The following GPC6 variants were observed in gnomAD, a reference collection of about 807,000 sequenced individuals.
The protein encoded by GPC6 is glypican 6.
A neutral mutation model predicts 55.2 loss-of-function variants in GPC6; 14 were observed. That is an observed-to-expected ratio of 0.25 (90% CI 0.17 to 0.40). The LOEUF (loss-of-function observed/expected upper bound fraction) is 0.40, where lower values mean the gene tolerates loss of function less well. Ranked by LOEUF, GPC6 falls within the 10% of genes least tolerant of loss-of-function variation. The probability of loss-of-function intolerance (pLI) is 1.00; values close to 1 mark genes in which losing one functional copy is unlikely to be tolerated. For synonymous variants in GPC6, 278 were observed against 259.6 expected, an observed-to-expected ratio of 1.07 and a Z score of -0.68; for missense variants, 641 against 708.5, an observed-to-expected ratio of 0.90 and a Z score of 1.08.
In GPC6 at chr13:94,331,478, T is replaced by C. The variant is rs139889670; in HGVS notation, c.1152+25355T>C. On this transcript the variant is annotated intron_variant, in intron 6 of 8. Transcript: ENST00000377047. ...TCCATAGCCCAGTGTACACCCCTAA[T>C]CCCAAGCAGATTTTAAGCAGCTGTG... Among the ~76,000 whole-genome samples, 400 of 152,066 alleles carry C rather than the reference T, an allele frequency of 2.6e-3. 3 individuals are homozygous for C. Among genetic ancestry groups the C allele is most frequent in the African/African-American group, 9.2e-3 (383 of 41,488 alleles).
At chr13:94,224,256 AATAT>A (rs59631105) in intron 4 of GPC6, among the ~76,000 whole-genome samples, 35,402 of 143,684 alleles carry the variant, frequency 0.25, 4,472 homozygotes, top group East Asian at 0.4. Context: ...ATCATCTTTA[AATAT>A]ATATATATAT....
intron 1 of GPC6, among the ~76,000 whole-genome samples, chr13:93,445,527 AG>A (rs1276585295): frequency 3.1e-4 from 47 of 152,352 alleles, no homozygotes; most frequent in African/African-American, 1.0e-3. Context: ...CTATTTTAAG[AG>A]AAATGGAGTC....
chr13:93,675,201 A>G (rs1338363952), intron 2 of GPC6, among the ~76,000 whole-genome samples: 1 of 152,132 alleles, frequency 6.6e-6, no homozygotes, highest in Non-Finnish European at 1.5e-5. Flanking sequence ...TCTAATGTTT[A>G]TGCAACTCCA....
intron 1 of GPC6, among the ~76,000 whole-genome samples, chr13:93,232,732 T>C (rs1337153398): frequency 6.6e-6 from 1 of 152,182 alleles, no homozygotes; most frequent in African/African-American, 2.4e-5. Flanking sequence ...AGTGTTCTTT[T>C]AAAATTATGG....
intron 2 of GPC6, among the ~76,000 whole-genome samples, chr13:93,703,132 A>T (rs1157305509): frequency 6.6e-6 from 1 of 151,922 alleles, no homozygotes; most frequent in Admixed American, 6.6e-5. Flanking sequence ...CTACTTGAAT[A>T]CTTAGAGGCC....
At chr13:93,638,426 G>T (rs1353806144) in intron 2 of GPC6, among the ~76,000 whole-genome samples, 1 of 151,922 alleles carries the variant, frequency 6.6e-6, no homozygotes, top group Non-Finnish European at 1.5e-5. Context: ...TTATCAATAT[G>T]AGTTTGTTAG....
intron 3 of GPC6, among the ~76,000 whole-genome samples, chr13:93,939,881 T>A (rs187838919): frequency 1.4e-3 from 212 of 152,272 alleles, no homozygotes; most frequent in Admixed American, 2.3e-3. Context: ...AAAAGCTTTT[T>A]TTCAGACAGG....
intron 3 of GPC6, among the ~76,000 whole-genome samples, chr13:93,905,646 A>G (rs1876624978): frequency 6.6e-6 from 1 of 152,220 alleles, no homozygotes. Flanking sequence ...ATGTTTTGGA[A>G]TTTTGTTTTA....
intron 2 of GPC6, among the ~76,000 whole-genome samples, chr13:93,706,351 T>C (rs555837125): frequency 2.0e-5 from 3 of 151,910 alleles, no homozygotes; most frequent in Non-Finnish European, 4.4e-5. Flanking sequence ...TACCCAATCA[T>C]ATCAGATTAA....
chr13:93,915,821 G>T (rs540018269), intron 3 of GPC6, among the ~76,000 whole-genome samples: 38 of 152,276 alleles, frequency 2.5e-4, no homozygotes, highest in Admixed American at 9.2e-4. Flanking sequence ...CCCCAGTTAA[G>T]CCATGCCTCT....
At chr13:93,451,435 G>C (rs1028983147) in intron 1 of GPC6, among the ~76,000 whole-genome samples, 1 of 152,168 alleles carries the variant, frequency 6.6e-6, no homozygotes, top group African/African-American at 2.4e-5. Context: ...GTTAATAATG[G>C]CTTTTACGTT....
At chr13:94,380,660 A>G (rs1217335581) in intron 6 of GPC6, among the ~76,000 whole-genome samples, 1 of 152,224 alleles carries the variant, frequency 6.6e-6, no homozygotes, top group Non-Finnish European at 1.5e-5. Context: ...GTGTCTCCCA[A>G]GAGTACAGTA....
At chr13:93,464,914 C>T (rs150267746) in intron 1 of GPC6, among the ~76,000 whole-genome samples, 11 of 152,276 alleles carry the variant, frequency 7.2e-5, no homozygotes, top group African/African-American at 2.6e-4. Flanking sequence ...CTATGGGCTG[C>T]AGAATGGATA....
intron 3 of GPC6, among the ~76,000 whole-genome samples, chr13:93,932,523 G>A (rs1352582167): frequency 6.6e-6 from 1 of 152,040 alleles, no homozygotes; most frequent in African/African-American, 2.4e-5. Context: ...GTTTCCAGAT[G>A]TCCTTCCAAA....
At chr13:94,322,241 G>A (rs941427200) in intron 6 of GPC6, among the ~76,000 whole-genome samples, 1 of 152,192 alleles carries the variant, frequency 6.6e-6, no homozygotes, top group African/African-American at 2.4e-5. Flanking sequence ...CTGCCACCAT[G>A]TAAGACATGT....
At chr13:94,392,905 A>T (rs1880719773) in intron 7 of GPC6, among the ~76,000 whole-genome samples, 1 of 151,316 alleles carries the variant, frequency 6.6e-6, no homozygotes, top group East Asian at 1.9e-4. Context: ...GAGCCACTGC[A>T]CCCGGCCCTG....
chr13:93,218,693 G>A, the GPC6 span, among the ~76,000 whole-genome samples: 1 of 152,184 alleles, frequency 6.6e-6, no homozygotes, highest in African/African-American at 2.4e-5. Context: ...TATGCCACAG[G>A]TTTGTCTGGC....
At chr13:93,607,403 A>G (rs1878279659) in intron 2 of GPC6, among the ~76,000 whole-genome samples, 1 of 152,200 alleles carries the variant, frequency 6.6e-6, no homozygotes, top group South Asian at 2.1e-4. Context: ...GCAGCAGTAA[A>G]CAATGCCAGG....
intron 2 of GPC6, among the ~76,000 whole-genome samples, chr13:93,821,303 A>G (rs1394080693): frequency 6.6e-6 from 1 of 152,172 alleles, no homozygotes; most frequent in Non-Finnish European, 1.5e-5. Context: ...CTGTTACGGT[A>G]TTTCGTAAAG....
Sources: gnomAD v4.1 joint callset for allele counts (sites outside exome capture counted in the v4.1 genomes callset) on GRCh38, gnomAD v4.1.1 for gene constraint, MANE v1.5 for transcripts, NCBI Gene and HGNC (gene_info 2026-07-23, HGNC 2026-07-21) for gene names.